Variants in ELF1 observed in about 807,000 individuals in gnomAD.
The protein encoded by ELF1 is E74 like ETS transcription factor 1, also known as ETS-related transcription factor Elf-1.
A neutral mutation model predicts 59.9 loss-of-function variants in ELF1; 24 were observed. That is an observed-to-expected ratio of 0.40 (90% CI 0.29 to 0.56). The LOEUF (loss-of-function observed/expected upper bound fraction) is 0.56. Among genes scored for constraint, ELF1 ranks in the 20% least tolerant of loss-of-function variants. The pLI is 0.44. For synonymous variants in ELF1, 248 were observed against 266.2 expected, an observed-to-expected ratio of 0.93 and a Z score of 0.67; for missense variants, 627 against 742.2, an observed-to-expected ratio of 0.84 and a Z score of 1.80.
At chr13:41,019,928 A>G (rs899133020), upstream of ELF1, among the ~76,000 whole-genome samples, 5 of 152,336 alleles carry the variant, frequency 3.3e-5, no homozygotes, top group African/African-American at 7.2e-5. Flanking sequence ...CCACACTCCA[A>G]TGTTAGGAAT....
At chr13:41,042,531 TCCTA>T (rs1463496192) in intron 1 of ELF1, among the ~76,000 whole-genome samples, 2 of 152,160 alleles carry the variant, frequency 1.3e-5, no homozygotes, top group Non-Finnish European at 2.9e-5. Context: ...ATTGTTCAAT[TCCTA>T]CCTATGAGTG....
chr13:41,029,034 T>C (rs1876062384), intron 1 of ELF1, among the ~76,000 whole-genome samples: 1 of 152,196 alleles, frequency 6.6e-6, no homozygotes, highest in African/African-American at 2.4e-5. Context: ...TGAGCCACCA[T>C]GCCCGGCCAA....
chr13:41,053,190 C>T (rs1007256684), intron 1 of ELF1, among the ~76,000 whole-genome samples: 3 of 151,938 alleles, frequency 2.0e-5, no homozygotes, highest in African/African-American at 4.8e-5. Flanking sequence ...TCCATCTCTA[C>T]TAAAAATACA....
chr13:40,991,298 C>T (rs1485549555), intron 1 of ELF1, among the ~76,000 whole-genome samples: 1 of 152,098 alleles, frequency 6.6e-6, no homozygotes, highest in Non-Finnish European at 1.5e-5. Context: ...ACTTAATGAC[C>T]AATACTGGTT....
At position 40,933,713 on chromosome 13, in the gene ELF1, G is replaced by A. The variant is rs957768416; in HGVS notation, c.1572C>T (p.Ser524=). The A allele has an allele frequency of 1.2e-6, 2 of 1,614,162 alleles. No individual in the cohort carries two copies. Among genetic ancestry groups the A allele is most frequent in the African/African-American group, 2.7e-5 (2 of 74,956 alleles). The change falls in exon 9 of 9, where the codon TCC becomes TCT. Residue 524 remains serine (S), a synonymous_variant. Coordinates refer to ENST00000239882, the MANE Select transcript of ELF1 (RefSeq NM_172373.4). Reference sequence around the variant, plus strand: ...GTGCAGTAGCACTGAAGGATGGAGAGGAAGCCACACTGACGGTTCCATTGC... The same window carrying A: ...GTGCAGTAGCACTGAAGGATGGAGAAGAAGCCACACTGACGGTTCCATTGC... The part of the protein sequence containing the change: ...TICNGTVSVA[S]SPSFSATAPV...
At chr13:40,965,797 A>G (rs1175828337) in intron 2 of ELF1, among the ~76,000 whole-genome samples, 1 of 152,236 alleles carries the variant, frequency 6.6e-6, no homozygotes, top group Non-Finnish European at 1.5e-5. Context: ...TATTTGCATC[A>G]TGAAATCTAA....
intron 3 of ELF1, among the ~76,000 whole-genome samples, chr13:40,955,158 G>GC (rs1196821112): frequency 2.0e-5 from 3 of 150,294 alleles, no homozygotes; most frequent in Admixed American, 2.0e-4. Context: ...GAAGTGAGGA[G>GC]CCCCTCCGCC....
chr13:41,059,005 A>G (rs950869753), intron 1 of ELF1, among the ~76,000 whole-genome samples: 16 of 152,230 alleles, frequency 1.1e-4, no homozygotes, highest in African/African-American at 3.4e-4. Context: ...TCAAAAGTTA[A>G]GCCCTCTCTG....
chr13:41,008,681 T>C lies in ELF1; in HGVS notation c.-229+10547A>G, dbSNP rs115283544. ...TTTTCAGAATCTCATTGTTCTAACT[T>C]TTAAAAAACTAGCATTTGTTGATGA... is the stretch of plus-strand genomic sequence containing the variant. On this transcript the variant is annotated intron_variant, in intron 1 of 8. Transcript: ENST00000239882. Among the ~76,000 whole-genome samples the C allele has an allele frequency of 5.3e-3, 809 of 152,314 alleles. 10 individuals are homozygous for C. The highest frequency in any genetic ancestry group is 0.018 in the African/African-American group (755 of 41,574).
At chr13:41,044,063 G>C (rs1211694431) in intron 1 of ELF1, among the ~76,000 whole-genome samples, 1 of 152,180 alleles carries the variant, frequency 6.6e-6, no homozygotes, top group Non-Finnish European at 1.5e-5. Flanking sequence ...AAGCAATTGT[G>C]AATGGGAGTT....
At chr13:41,001,991 T>C (rs982905354) in intron 1 of ELF1, among the ~76,000 whole-genome samples, 7 of 152,126 alleles carry the variant, frequency 4.6e-5, no homozygotes, top group African/African-American at 1.7e-4. Flanking sequence ...CCCTGACAAC[T>C]GGACACAGAG....
intron 2 of ELF1, among the ~76,000 whole-genome samples, chr13:40,979,966 G>A (rs929119557): frequency 6.6e-6 from 1 of 152,086 alleles, no homozygotes; most frequent in African/African-American, 2.4e-5. Flanking sequence ...AACCTAATAA[G>A]CAAACAGGGA....
intron 8 of ELF1, among the ~76,000 whole-genome samples, chr13:40,934,364 T>TG (rs1869619147): frequency 6.6e-6 from 1 of 151,246 alleles, no homozygotes; most frequent in African/African-American, 2.4e-5. Flanking sequence ...GAAGTTTGCA[T>TG]GAGCTTCTTA....
chr13:41,004,883 T>A (rs1328863638), intron 1 of ELF1, among the ~76,000 whole-genome samples: 3 of 152,124 alleles, frequency 2.0e-5, no homozygotes, highest in Admixed American at 1.3e-4. Context: ...ATCCATATAA[T>A]ACCAAACAAG....
At chr13:40,995,857 T>C (rs1874102051) in intron 1 of ELF1, among the ~76,000 whole-genome samples, 3 of 152,158 alleles carry the variant, frequency 2.0e-5, no homozygotes, top group Non-Finnish European at 2.9e-5. Flanking sequence ...AAAGGAAGAA[T>C]TGATAAGCTG....
intron 1 of ELF1, among the ~76,000 whole-genome samples, chr13:41,033,375 G>C (rs117722962): frequency 2.0e-5 from 3 of 152,190 alleles, no homozygotes; most frequent in African/African-American, 7.2e-5. Flanking sequence ...ATAGTGCCAG[G>C]ACACATAGTA....
chr13:41,049,196 T>C (rs1566200618), intron 1 of ELF1, among the ~76,000 whole-genome samples: 1 of 152,252 alleles, frequency 6.6e-6, no homozygotes, highest in Admixed American at 6.5e-5. Flanking sequence ...TATCAATTTC[T>C]AGGGCTTCAA....
At chr13:40,978,618 T>C (rs1169698393) in intron 2 of ELF1, among the ~76,000 whole-genome samples, 1 of 152,082 alleles carries the variant, frequency 6.6e-6, no homozygotes, top group Non-Finnish European at 1.5e-5. Context: ...GATTCTAATG[T>C]AGTGACCATA....
At chr13:41,022,774 G>A (rs1566192271), upstream of ELF1, among the ~76,000 whole-genome samples, 1 of 152,142 alleles carries the variant, frequency 6.6e-6, no homozygotes, top group African/African-American at 2.4e-5. Flanking sequence ...AGCTACTCAG[G>A]AGGCTGAGGC....
Sources: allele counts gnomAD v4.1 joint callset (sites outside exome capture counted in the v4.1 genomes callset), GRCh38; gene constraint gnomAD v4.1.1; transcripts MANE v1.5; gene names NCBI Gene and HGNC (gene_info 2026-07-23, HGNC 2026-07-21).